The following BAHCC1 variants were observed in gnomAD, a reference collection of about 807,000 sequenced individuals.
BAHCC1 encodes BAH domain and coiled-coil containing 1, also known as BAH and coiled-coil domain-containing protein 1.
In BAHCC1, 43 loss-of-function variants were observed where a neutral mutation model predicts 88.2. The ratio of observed to expected loss-of-function variants is 0.49; its 90% confidence interval spans 0.38 to 0.63. The LOEUF is 0.63. Among genes scored for constraint, BAHCC1 ranks in the 20% least tolerant of loss-of-function variants. The pLI is 0.00. For missense variants in BAHCC1, 3,023 were observed against 1,654.8 expected (o/e 1.83, Z -14.34); for synonymous variants, 1,510 against 745.5 (o/e 2.03, Z -16.71).
At position 81,443,524 on chromosome 17, in the gene BAHCC1, C is replaced by T. The variant is rs1555653359; in HGVS notation, c.2175C>T (p.Thr725=). Residue 725 remains threonine (T), a synonymous_variant, in exon 5 of 28, where the codon ACC becomes ACT. Coordinates refer to ENST00000675386, the MANE Select transcript of BAHCC1 (RefSeq NM_001377448.1). The stretch of plus-strand genomic sequence containing the variant: ...GCCGGTCTGAGGCAGCCTACGGCAC[C>T]AACACTGCGCGGCAGGGCCGGGCCG... ...TVSRSEAAYG[T]NTARQGRAAP... The T allele has an allele frequency of 1.5e-6, 1 of 674,698 alleles. No homozygotes were observed. Among genetic ancestry groups the T allele is most frequent in the African/African-American group, 1.8e-5 (1 of 56,570 alleles). 41.8% of individuals were successfully genotyped at this position (674,698 alleles called of 1,614,324 possible).
At chr17:81,401,049 T>C (rs2063809985) in intron 2 of BAHCC1, 1 of 152,252 alleles carries the variant, frequency 6.6e-6, no homozygotes, top group Admixed American at 6.5e-5. Flanking sequence ...TATTGGTAGC[T>C]TGATGAACTG....
chr17:81,458,130 G>A (rs576216887), intron 17 of BAHCC1, 35 bp from the exon 18 acceptor site: 1 of 714,656 alleles, frequency 1.4e-6, no homozygotes, highest in African/African-American at 1.7e-5. Context: ...CTCTAGGATG[G>A]GGACCCCTGT....
chr17:81,457,364 C>T, intron 16 of BAHCC1, 46 bp from the exon 17 acceptor site: 1 of 734,410 alleles, frequency 1.4e-6, no homozygotes, highest in Admixed American at 1.9e-5. Flanking sequence ...CTCTCAATGG[C>T]ACAGCTTACC....
intron 15 of BAHCC1, 31 bp downstream of exon 15, chr17:81,455,421 G>A (rs2143615673): frequency 2.8e-6 from 2 of 712,654 alleles, no homozygotes; most frequent in Non-Finnish European, 5.2e-6. Flanking sequence ...CTTGCCCCAG[G>A]GCCCTTCAGG....
intron 2 of BAHCC1, among the ~76,000 whole-genome samples, chr17:81,405,633 T>C (rs540904272): frequency 9.5e-4 from 144 of 152,296 alleles, no homozygotes; most frequent in African/African-American, 2.9e-3. Context: ...CAAGCACAGA[T>C]AGAGTTCAGC....
At chr17:81,460,009 G>A (rs2030105311) in intron 23 of BAHCC1, among the ~76,000 whole-genome samples, 1 of 152,152 alleles carries the variant, frequency 6.6e-6, no homozygotes, top group South Asian at 2.1e-4. Context: ...GGACTCGGCT[G>A]GGAGGTGGGC....
intron 3 of BAHCC1, among the ~76,000 whole-genome samples, chr17:81,427,601 C>T (rs997971932): frequency 3.3e-5 from 5 of 152,182 alleles, no homozygotes; most frequent in Admixed American, 6.5e-5. Flanking sequence ...CCTGGATCCC[C>T]GTGCTTGCTC....
At position 81,417,756 on chromosome 17, in the gene BAHCC1, G is replaced by A. The variant is rs936872043; in HGVS notation, c.179-9044G>A. Among the ~76,000 whole-genome samples the A allele has an allele frequency of 8.5e-5, 13 of 152,176 alleles. No homozygotes were observed. The East Asian group carries it at 1.3e-3, about 16-fold the overall frequency. On this transcript the variant is annotated intron_variant, in intron 2 of 27. Transcript: ENST00000675386. ...GTTTTCCTATTAAGGCCTGAGAGAC[G>A]CTGCCTCTGGGCCAGCGCAGGCTTC...
Position 81,425,813 on chromosome 17 carries a change from G to C in BAHCC1, c.179-987G>C, listed in dbSNP as rs558836854. Among the ~76,000 whole-genome samples, 4 of 148,300 alleles carry C rather than the reference G, an allele frequency of 2.7e-5. No individual in the cohort carries two copies. In the South Asian group the frequency reaches 6.6e-4, roughly 24 times the overall value. On this transcript the variant is annotated intron_variant, in intron 2 of 27. Coordinates refer to ENST00000675386, the MANE Select transcript of BAHCC1 (RefSeq NM_001377448.1). ...GTTGAGGGTGATGGTGGGTCGTGGT[G>C]GTGGTGGGTAATGTGGTTGGTGATT...
chr17:81,463,004 G>A (rs781903282), intron 27 of BAHCC1, 28 bp downstream of exon 27: 7 of 770,998 alleles, frequency 9.1e-6, no homozygotes, highest in Non-Finnish European at 1.2e-5. Flanking sequence ...GTGGGGCCCA[G>A]CCCCCCTCGG....
At chr17:81,457,294 G>T (rs1555657548) in intron 16 of BAHCC1, 116 bp from the exon 17 acceptor site, 1 of 647,238 alleles carries the variant, frequency 1.5e-6, no homozygotes, top group African/African-American at 1.8e-5. Flanking sequence ...GAGGGTGACG[G>T]TGACCAGCTC....
intron 27 of BAHCC1, among the ~76,000 whole-genome samples, chr17:81,463,384 T>A (rs2030471573): frequency 6.6e-6 from 1 of 152,228 alleles, no homozygotes. Flanking sequence ...TTAGTATTTC[T>A]CTGACTCCGA....
At chr17:81,438,237 G>C in intron 3 of BAHCC1, 133 bp from the exon 4 acceptor site, 1 of 653,480 alleles carries the variant, frequency 1.5e-6, no homozygotes. Context: ...ATTTCCCCCC[G>C]GCGGCTGCGT....
chr17:81,444,874 A>G, intron 8 of BAHCC1, 48 bp downstream of exon 8: 1 of 736,818 alleles, frequency 1.4e-6, no homozygotes, highest in South Asian at 1.4e-5. Flanking sequence ...TGCTGTTGGA[A>G]GGAGGGGCAG....
chr17:81,417,264 C>CG lies in BAHCC1; in HGVS notation c.179-9530dup, dbSNP rs1222058243. Among the ~76,000 whole-genome samples, 18 of 152,246 alleles carry CG rather than the reference C, an allele frequency of 1.2e-4. No homozygotes were observed. The South Asian group carries it at 1.4e-3, about 12-fold the overall frequency. On this transcript the variant is annotated intron_variant, in intron 2 of 27. Transcript: ENST00000675386. ...TGGGGCGAGGAGACTCATCCAGCTG[C>CG]GGGGGGCGGCGCCGAGGGAGTGGCG... is the stretch of plus-strand genomic sequence containing the variant.
chr17:81,460,778 C>A (rs1029331612), intron 25 of BAHCC1, 72 bp downstream of exon 25: 1 of 773,898 alleles, frequency 1.3e-6, no homozygotes, highest in East Asian at 2.4e-5. Context: ...CCAGGAGGCC[C>A]GTGGGGTAGG....
intron 1 of BAHCC1, chr17:81,396,385 G>A (rs1001853089): frequency 3.3e-5 from 5 of 152,184 alleles, no homozygotes; most frequent in African/African-American, 1.2e-4. Context: ...CGCGGGGCTC[G>A]GGTCACGGCC....
At chr17:81,416,741 A>G (rs1282054151) in intron 2 of BAHCC1, among the ~76,000 whole-genome samples, 3 of 152,176 alleles carry the variant, frequency 2.0e-5, no homozygotes, top group Non-Finnish European at 4.4e-5. Flanking sequence ...ACCTTTCTTC[A>G]GCTGCTCTGG....
At chr17:81,412,426 G>A (rs1405802325) in intron 2 of BAHCC1, among the ~76,000 whole-genome samples, 2 of 152,254 alleles carry the variant, frequency 1.3e-5, no homozygotes, top group African/African-American at 2.4e-5. Flanking sequence ...TGTATGTGAG[G>A]CCATGCCATC....
Sources: gnomAD v4.1 joint callset for allele counts (sites outside exome capture counted in the v4.1 genomes callset) on GRCh38, gnomAD v4.1.1 for gene constraint, MANE v1.5 for transcripts, NCBI Gene and HGNC (gene_info 2026-07-23, HGNC 2026-07-21) for gene names.